WLS: variants seen among roughly 807,000 people sequenced by gnomAD.
WLS encodes protein wntless homolog.
Under a neutral mutation model 62.8 loss-of-function variants are expected in WLS, and 23 were observed. That is an observed-to-expected ratio of 0.37 (90% confidence interval 0.26 to 0.52). The LOEUF is 0.52. Ranked by LOEUF, WLS falls within the 20% of genes least tolerant of loss-of-function variation. The pLI is 0.92. For missense variants in WLS, 615 were observed against 697.3 expected (o/e 0.88, Z 1.33); for synonymous variants, 246 against 244.1 (o/e 1.01, Z -0.07).
intron 11 of WLS, among the ~76,000 whole-genome samples, chr1:68,120,208 G>T (rs1378106511): frequency 6.6e-6 from 1 of 152,134 alleles, no homozygotes; most frequent in African/African-American, 2.4e-5. Flanking sequence ...GGTGAAGGGG[G>T]TGGGTAGCTT....
intron 11 of WLS, among the ~76,000 whole-genome samples, chr1:68,112,148 G>T (rs1311908112): frequency 6.6e-6 from 1 of 152,230 alleles, no homozygotes; most frequent in African/African-American, 2.4e-5. Context: ...GGACAGAGAA[G>T]AAGTCCCTCT....
intron 11 of WLS, among the ~76,000 whole-genome samples, chr1:68,130,661 GC>G (rs1463790898): frequency 1.3e-5 from 2 of 152,114 alleles, no homozygotes; most frequent in African/African-American, 2.4e-5. Context: ...GCAAAGAACT[GC>G]TTAAGAATAT....
In WLS at chr1:68,148,154, G is replaced by A. The variant is rs1427643629; in HGVS notation, c.1116C>T (p.Asp372=). 1 of 1,614,182 alleles carries A rather than the reference G, an allele frequency of 6.2e-7. No homozygotes were observed. The highest frequency in any genetic ancestry group is 8.5e-7 in the Non-Finnish European group (1 of 1,180,022). ...TNPFYSIWTT[D]IGTELAMAFI... ...AGGATACGGCCAGCTCTGTTCCAAT[G>A]TCTGTAGTCCAGATACTGTAGAAGG... Residue 372 remains aspartate (D), a synonymous_variant, in exon 8 of 12, where the codon GAC becomes GAT. Transcript: ENST00000262348.
intron 4 of WLS, among the ~76,000 whole-genome samples, chr1:68,154,164 G>C (rs1197500337): frequency 6.6e-6 from 1 of 152,068 alleles, no homozygotes; most frequent in Admixed American, 6.5e-5. Flanking sequence ...GGTAGAACCA[G>C]AAATTTCAGG....
Position 68,146,022 on chromosome 1 carries a change from T to G in WLS, c.1135-10A>C. The G allele has an allele frequency of 1.9e-6, 3 of 1,613,648 alleles. No individual in the cohort carries two copies. Among genetic ancestry groups the G allele is most frequent in the Non-Finnish European group, 2.5e-6 (3 of 1,179,774 alleles). The stretch of plus-strand genomic sequence containing the variant: ...CGATGATGAAGGCCATCTGGTCGTG[T>G]CCAGTAAAGGAAACAACGGGCTAGC... On this transcript the variant is annotated splice_polypyrimidine_tract_variant and intron_variant, in intron 8 of 11. Transcript: ENST00000262348.
At chr1:68,140,561 A>G (rs1646671185) in intron 10 of WLS, among the ~76,000 whole-genome samples, 1 of 152,246 alleles carries the variant, frequency 6.6e-6, no homozygotes, top group Non-Finnish European at 1.5e-5. Flanking sequence ...CCATAGTATG[A>G]GAGGCACACA....
chr1:68,224,657 C>T (rs1447923802), intron 1 of WLS, among the ~76,000 whole-genome samples: 3 of 151,848 alleles, frequency 2.0e-5, no homozygotes, highest in Non-Finnish European at 4.4e-5. Context: ...CTGGTGTAGG[C>T]AGTTCTTATG....
chr1:68,148,125 A>T lies in WLS; in HGVS notation c.1134+11T>A. The T allele has an allele frequency of 6.2e-7, 1 of 1,614,186 alleles. No homozygotes were observed. Among genetic ancestry groups the T allele is most frequent in the Non-Finnish European group, 8.5e-7 (1 of 1,180,010 alleles). On this transcript the variant is annotated intron_variant, in intron 8 of 11. Coordinates refer to ENST00000262348, the MANE Select transcript of WLS (RefSeq NM_024911.7). ...AAGAAATAAAACCCTGAGCCCATCA[A>T]GGAAGGATACGGCCAGCTCTGTTCC... is the stretch of plus-strand genomic sequence containing the variant.
chr1:68,102,082 G>A (rs375262060), intron 11 of WLS, among the ~76,000 whole-genome samples: 7 of 152,174 alleles, frequency 4.6e-5, no homozygotes, highest in African/African-American at 1.4e-4. Flanking sequence ...TTCCTGGGAA[G>A]CAAGGGCAAG....
At chr1:68,133,312 C>G (rs149625646) in intron 11 of WLS, among the ~76,000 whole-genome samples, 1 of 152,160 alleles carries the variant, frequency 6.6e-6, no homozygotes, top group Admixed American at 6.5e-5. Context: ...GGGAAGTCCA[C>G]GAAAGCCTGT....
At chr1:68,176,768 A>G (rs1185942981) in intron 2 of WLS, among the ~76,000 whole-genome samples, 1 of 152,226 alleles carries the variant, frequency 6.6e-6, no homozygotes, top group Non-Finnish European at 1.5e-5. Flanking sequence ...AATCACTTTG[A>G]AGAAGTCACT....
intron 11 of WLS, among the ~76,000 whole-genome samples, chr1:68,107,236 C>T (rs1022925213): frequency 1.3e-5 from 2 of 151,720 alleles, no homozygotes; most frequent in Non-Finnish European, 2.9e-5. Flanking sequence ...TTAGTTGCTG[C>T]CTCATACTGT....
chr1:68,166,442 C>T lies in WLS; in HGVS notation c.380-7195G>A, dbSNP rs772743164. On this transcript the variant is annotated intron_variant, in intron 2 of 11. Transcript: ENST00000262348. ...CCTCACATCCATCCTGGGAGGAAGA[C>T]GTTATATAAATTGCCCAAGAACATA... Among the ~76,000 whole-genome samples the T allele has an allele frequency of 7.4e-4, 113 of 152,160 alleles. 1 individual carries two copies. Among genetic ancestry groups the T allele is most frequent in the Non-Finnish European group, 1.4e-3 (92 of 68,042 alleles).
chr1:68,099,178 C>T (rs1646046039), intron 11 of WLS, among the ~76,000 whole-genome samples: 1 of 152,082 alleles, frequency 6.6e-6, no homozygotes, highest in Non-Finnish European at 1.5e-5. Context: ...CAGCTTGTGT[C>T]ATTGAATCAT....
Position 68,187,189 on chromosome 1 carries a change from C to CAAAAAAAAAAAAAAAAAAAA in WLS, c.379+6746_379+6765dup, listed in dbSNP as rs34130992. ...GGGGGACAGAGCAAGACTCCATCTCCAAAAAAAAAAAAAAAAAAAAAATTA... is the reference window on the plus strand; with the variant it reads ...GGGGGACAGAGCAAGACTCCATCTCCAAAAAAAAAAAAAAAAAAAAAAAAAAAAAAAAAAAAAAAAAATTA... On this transcript the variant is annotated intron_variant, in intron 2 of 11. Transcript: ENST00000262348. Among the ~76,000 whole-genome samples the CAAAAAAAAAAAAAAAAAAAA allele has an allele frequency of 2.7e-3, 157 of 57,134 alleles. 10 individuals carry two copies. The highest frequency in any genetic ancestry group is 7.1e-3 in the Middle Eastern group (1 of 140). The allele number at this position is 57,134 out of a possible 152,430, so 37.5% of individuals were successfully genotyped here.
chr1:68,136,064 G>A (rs1383523722), intron 11 of WLS, among the ~76,000 whole-genome samples: 2 of 152,120 alleles, frequency 1.3e-5, no homozygotes, highest in East Asian at 3.9e-4. Flanking sequence ...AAGGGGTGAG[G>A]GAAACTCATG....
downstream of WLS, among the ~76,000 whole-genome samples, chr1:68,124,199 CTG>C (rs1186619051): frequency 5.3e-5 from 8 of 152,204 alleles, no homozygotes; most frequent in African/African-American, 1.9e-4. Flanking sequence ...GTTCCAGTCT[CTG>C]TGATCTCTTT....
At chr1:68,159,304 C>T in intron 2 of WLS, 57 bp from the exon 3 acceptor site, 1 of 1,580,730 alleles carries the variant, frequency 6.3e-7, no homozygotes, top group Non-Finnish European at 8.6e-7. Context: ...ATTTTAGAAA[C>T]AGCTCAAAAA....
In WLS at chr1:68,144,718, CTA is replaced by C. The variant is rs1396382230; in HGVS notation, c.1279-68_1279-67del. On this transcript the variant is annotated intron_variant, in intron 9 of 11. Coordinates refer to ENST00000262348, the MANE Select transcript of WLS (RefSeq NM_024911.7). ...CCAATCCTTTTCTCACTATGTAAATCTATAAAAAGCTTAATTTTAAAGAAATC... is the reference window on the plus strand; with the variant it reads ...CCAATCCTTTTCTCACTATGTAAATCTAAAAAGCTTAATTTTAAAGAAATC... The C allele has an allele frequency of 3.1e-6, 4 of 1,289,792 alleles. No homozygotes were observed. The African/African-American group carries it at 6.0e-5, about 19-fold the overall frequency. The allele number at this position is 1,289,792 out of a possible 1,614,324, so 79.9% of individuals were successfully genotyped here.
Sources: allele counts gnomAD v4.1 joint callset (sites outside exome capture counted in the v4.1 genomes callset), GRCh38; gene constraint gnomAD v4.1.1; transcripts MANE v1.5; gene names NCBI Gene and HGNC (gene_info 2026-07-23, HGNC 2026-07-21).